The following AGBL4 variants were observed in gnomAD, a reference collection of about 807,000 sequenced individuals.
AGBL4 encodes cytosolic carboxypeptidase 6.
A neutral mutation model predicts 66.4 loss-of-function variants in AGBL4; 58 were observed. That is an observed-to-expected ratio of 0.87 (90% CI 0.71 to 1.09). AGBL4 has a LOEUF of 1.09. AGBL4 is among the 50% of genes least tolerant of loss of function. The pLI, the probability that AGBL4 is intolerant of heterozygous loss-of-function variation, is 0.00. For synonymous variants in AGBL4, 234 were observed against 222.9 expected, an observed-to-expected ratio of 1.05 and a Z score of -0.44; for missense variants, 579 against 631.0, an observed-to-expected ratio of 0.92 and a Z score of 0.88.
At chr1:49,840,766 G>T (rs1313494487) in intron 2 of AGBL4, among the ~76,000 whole-genome samples, 2 of 152,132 alleles carry the variant, frequency 1.3e-5, no homozygotes, top group African/African-American at 4.8e-5. Flanking sequence ...CATCTCAATA[G>T]AGAAAGAAAA....
chr1:49,129,044 G>T (rs1328149313), intron 4 of AGBL4, among the ~76,000 whole-genome samples: 1 of 151,806 alleles, frequency 6.6e-6, no homozygotes, highest in African/African-American at 2.4e-5. Flanking sequence ...ATGGGCAAAA[G>T]ATTTAAATAG....
intron 6 of AGBL4, among the ~76,000 whole-genome samples, chr1:48,678,695 T>C (rs2148476755): frequency 1.3e-5 from 2 of 152,334 alleles, no homozygotes; most frequent in South Asian, 4.1e-4. Context: ...GGTGCAAATG[T>C]GGCAATAACA....
At chr1:49,306,723 G>T (rs149626780) in intron 3 of AGBL4, among the ~76,000 whole-genome samples, 183 of 152,244 alleles carry the variant, frequency 1.2e-3, no homozygotes, top group African/African-American at 4.3e-3. Context: ...GCATGTGTGG[G>T]GATAGAGAAG....
Position 49,741,375 on chromosome 1 carries a change from C to G in AGBL4, c.158-43938G>C, listed in dbSNP as rs376215558. On this transcript the variant is annotated intron_variant, in intron 2 of 13. Transcript: ENST00000371839. ...TGAAGAAGTTGAATCTCTGAATAGACCAATAACAGGCTCTGAAATTGAGGC... is the reference window on the plus strand; with the variant it reads ...TGAAGAAGTTGAATCTCTGAATAGAGCAATAACAGGCTCTGAAATTGAGGC... Among the ~76,000 whole-genome samples the G allele has an allele frequency of 3.4e-4, 52 of 152,244 alleles. 1 individual carries two copies. The South Asian group carries it at 9.5e-3, about 28-fold the overall frequency.
intron 3 of AGBL4, among the ~76,000 whole-genome samples, chr1:49,648,246 G>C (rs962537100): frequency 1.3e-5 from 2 of 151,652 alleles, no homozygotes; most frequent in African/African-American, 4.8e-5. Context: ...CTTAATATAG[G>C]CTGGACACAG....
At chr1:49,332,369 A>T (rs1645352422) in intron 3 of AGBL4, among the ~76,000 whole-genome samples, 1 of 152,212 alleles carries the variant, frequency 6.6e-6, no homozygotes, top group Non-Finnish European at 1.5e-5. Context: ...CATCAAATAA[A>T]ACACCAGGCC....
chr1:49,839,223 T>C (rs1331679655), intron 2 of AGBL4, among the ~76,000 whole-genome samples: 1 of 152,192 alleles, frequency 6.6e-6, no homozygotes, highest in Non-Finnish European at 1.5e-5. Context: ...AGGAGGTCAG[T>C]AATCTTATAA....
chr1:49,592,537 T>A (rs959536537), intron 3 of AGBL4, among the ~76,000 whole-genome samples: 1 of 152,090 alleles, frequency 6.6e-6, no homozygotes, highest in African/African-American at 2.4e-5. Context: ...CCACTGCATT[T>A]CAGCCTGGGT....
At chr1:49,701,320 T>G (rs1437995577) in intron 2 of AGBL4, among the ~76,000 whole-genome samples, 3 of 152,040 alleles carry the variant, frequency 2.0e-5, no homozygotes, top group Admixed American at 6.6e-5. Flanking sequence ...GTATACACAT[T>G]AAGATTTGCT....
chr1:48,686,074 G>A (rs1646526684), intron 6 of AGBL4, among the ~76,000 whole-genome samples: 1 of 152,136 alleles, frequency 6.6e-6, no homozygotes, highest in Non-Finnish European at 1.5e-5. Flanking sequence ...CTATGAGATA[G>A]CCATTGTCAT....
At chr1:49,593,162 A>T (rs1407989232) in intron 3 of AGBL4, among the ~76,000 whole-genome samples, 2 of 152,208 alleles carry the variant, frequency 1.3e-5, no homozygotes, top group African/African-American at 2.4e-5. Context: ...TAATCCCAGC[A>T]GTTTGGGAGG....
At chr1:49,036,712 C>T (rs940945893) in intron 5 of AGBL4, among the ~76,000 whole-genome samples, 1 of 147,902 alleles carries the variant, frequency 6.8e-6, no homozygotes, top group Non-Finnish European at 1.5e-5. Context: ...CACACACCAC[C>T]ATGCTCAGCT....
rs369451907 is a variant in AGBL4 at position 48,653,411 on chromosome 1, A to G, written c.765T>C (p.Cys255=). Residue 255 remains cysteine (C), a synonymous_variant, in exon 8 of 14, where the codon TGT becomes TGC. Coordinates refer to ENST00000371839, the MANE Select transcript of AGBL4 (RefSeq NM_032785.4). ...TGAAGACCAGGTATTCCCGGAGGAC[A>G]CAGGCAATAGGGTGCTGGCTTACAA... is the stretch of plus-strand genomic sequence containing the variant. ...DFLVSQHPIA[C]VLREYLVFKI... is the part of the protein sequence containing the mutation. 34 of 1,588,042 alleles carry G rather than the reference A, an allele frequency of 2.1e-5. No homozygotes were observed. Among genetic ancestry groups the G allele is most frequent in the Non-Finnish European group, 2.9e-5 (34 of 1,166,494 alleles).
At chr1:48,540,088 T>C (rs1449884198) in intron 11 of AGBL4, among the ~76,000 whole-genome samples, 2 of 152,122 alleles carry the variant, frequency 1.3e-5, no homozygotes, top group Non-Finnish European at 2.9e-5. Context: ...GCTGCTCTGG[T>C]CTAGCCTCAG....
At chr1:48,855,235 C>G (rs958982284) in intron 6 of AGBL4, among the ~76,000 whole-genome samples, 1 of 152,200 alleles carries the variant, frequency 6.6e-6, no homozygotes, top group African/African-American at 2.4e-5. Flanking sequence ...AGAACTCAGT[C>G]CATTCAACTG....
At chr1:48,525,631 C>T in the AGBL4 span, among the ~76,000 whole-genome samples, 2 of 152,160 alleles carry the variant, frequency 1.3e-5, no homozygotes, top group African/African-American at 2.4e-5. Context: ...CCATACCAAA[C>T]AGTAAGAAAC....
chr1:48,611,349 G>T (rs1260665161), intron 9 of AGBL4, among the ~76,000 whole-genome samples: 1 of 152,264 alleles, frequency 6.6e-6, no homozygotes, highest in Non-Finnish European at 1.5e-5. Context: ...TTCGGGGAGG[G>T]TCATGGCCTG....
intron 2 of AGBL4, among the ~76,000 whole-genome samples, chr1:49,818,168 G>T (rs1047433452): frequency 1.3e-5 from 2 of 152,012 alleles, no homozygotes; most frequent in Non-Finnish European, 2.9e-5. Context: ...CTTCCTGGTG[G>T]TAACAACTAC....
At chr1:49,915,324 C>T (rs543013083) in intron 1 of AGBL4, among the ~76,000 whole-genome samples, 2 of 152,250 alleles carry the variant, frequency 1.3e-5, no homozygotes, top group Admixed American at 6.5e-5. Flanking sequence ...TCAGGGAATT[C>T]CCTTTCTTAG....
Sources: gnomAD v4.1 joint callset for allele counts (sites outside exome capture counted in the v4.1 genomes callset) on GRCh38, gnomAD v4.1.1 for gene constraint, MANE v1.5 for transcripts, NCBI Gene and HGNC (gene_info 2026-07-23, HGNC 2026-07-21) for gene names.